ADGRL3: variants seen among roughly 807,000 people sequenced by gnomAD.
The protein encoded by ADGRL3 is adhesion G protein-coupled receptor L3.
Under a neutral mutation model 153.5 loss-of-function variants are expected in ADGRL3, and 62 were observed. The observed-to-expected ratio is 0.40, with a 90% CI of 0.33 to 0.50. The LOEUF is 0.50. Among genes scored for constraint, ADGRL3 ranks in the 20% least tolerant of loss-of-function variants. The pLI is 0.47. For synonymous variants in ADGRL3, 710 were observed against 672.5 expected (o/e 1.06, Z -0.86); for missense variants, 1,641 against 1,859.4 (o/e 0.88, Z 2.16).
intron 21 of ADGRL3, among the ~76,000 whole-genome samples, chr4:62,007,360 A>ATATATT (rs2099163100): frequency 4.9e-4 from 2 of 4,118 alleles, no homozygotes; most frequent in African/African-American, 5.7e-4. Flanking sequence ...AAATGATTAT[A>ATATATT]TATATATATA....
intron 4 of ADGRL3, among the ~76,000 whole-genome samples, chr4:61,556,908 T>C (rs2098769840): frequency 6.6e-6 from 1 of 152,154 alleles, no homozygotes; most frequent in South Asian, 2.1e-4. Context: ...TGAATTTTTA[T>C]AAGTCCCCTG....
At chr4:61,377,679 A>G (rs1469673489) in intron 1 of ADGRL3, among the ~76,000 whole-genome samples, 1 of 151,974 alleles carries the variant, frequency 6.6e-6, no homozygotes, top group Non-Finnish European at 1.5e-5. Flanking sequence ...TAAAGTTTAC[A>G]CCTTCTTTCC....
chr4:61,368,951 T>C (rs1560529266), intron 1 of ADGRL3, among the ~76,000 whole-genome samples: 2 of 152,192 alleles, frequency 1.3e-5, no homozygotes, highest in Admixed American at 1.3e-4. Context: ...TCACATCCCT[T>C]GTAAGTTGGA....
chr4:62,053,989 G>T (rs1510924), intron 25 of ADGRL3, among the ~76,000 whole-genome samples: 36,775 of 151,346 alleles, frequency 0.24, 4,931 homozygotes, highest in Admixed American at 0.33. Context: ...CACAAGCAAT[G>T]TGTGAGTAAC....
chr4:61,243,572 A>G (rs1755839440), intron 1 of ADGRL3, among the ~76,000 whole-genome samples: 1 of 152,126 alleles, frequency 6.6e-6, no homozygotes, highest in South Asian at 2.1e-4. Context: ...TTTTCTAAAG[A>G]GAAACTTGCC....
chr4:61,382,458 G>C (rs2096681306), intron 1 of ADGRL3, among the ~76,000 whole-genome samples: 1 of 151,384 alleles, frequency 6.6e-6, no homozygotes, highest in Non-Finnish European at 1.5e-5. Flanking sequence ...ACTATTTTCT[G>C]GGTGTAAAAA....
chr4:61,776,574 A>G (rs2097153854), intron 8 of ADGRL3, among the ~76,000 whole-genome samples: 1 of 152,192 alleles, frequency 6.6e-6, no homozygotes, highest in Non-Finnish European at 1.5e-5. Context: ...AATCTACTGA[A>G]TTTTAAAAAA....
chr4:61,496,481 T>C (rs1443659459), intron 2 of ADGRL3, among the ~76,000 whole-genome samples: 2 of 150,682 alleles, frequency 1.3e-5, no homozygotes, highest in Non-Finnish European at 2.9e-5. Context: ...CTGACCAACA[T>C]GGAGAAACCC....
intron 25 of ADGRL3, among the ~76,000 whole-genome samples, chr4:62,046,952 A>G (rs1560549742): frequency 1.3e-5 from 2 of 151,832 alleles, no homozygotes; most frequent in Non-Finnish European, 2.9e-5. Context: ...TCTTCCCTGC[A>G]TTCAGGCGTG....
chr4:61,999,157 T>A (rs993796036), intron 21 of ADGRL3, among the ~76,000 whole-genome samples: 21 of 152,208 alleles, frequency 1.4e-4, no homozygotes, highest in African/African-American at 5.1e-4. Context: ...TCTGAAATAT[T>A]AACACTTAAC....
At chr4:61,786,966 T>C (rs1185251616) in intron 8 of ADGRL3, among the ~76,000 whole-genome samples, 1 of 152,172 alleles carries the variant, frequency 6.6e-6, no homozygotes, top group African/African-American at 2.4e-5. Flanking sequence ...ACACTGCTAA[T>C]ACTGTGATGC....
At chr4:61,392,684 CAAAAAAAA>C (rs397993633) in intron 2 of ADGRL3, among the ~76,000 whole-genome samples, 4 of 13,366 alleles carry the variant, frequency 3.0e-4, no homozygotes, top group Non-Finnish European at 3.5e-4. Context: ...GACTCCATCT[CAAAAAAAA>C]AAAAAAAAAA....
At chr4:61,352,464 C>G (rs1264301216) in intron 1 of ADGRL3, among the ~76,000 whole-genome samples, 4 of 151,758 alleles carry the variant, frequency 2.6e-5, no homozygotes, top group African/African-American at 7.3e-5. Context: ...TCTCAGCTCA[C>G]TGCAACGTCC....
intron 5 of ADGRL3, among the ~76,000 whole-genome samples, chr4:61,614,886 G>A (rs1422852431): frequency 6.6e-6 from 1 of 152,026 alleles, no homozygotes. Flanking sequence ...TGAGCATAGA[G>A]ACTTTGGATT....
chr4:61,586,267 C>G (rs1364484324), intron 4 of ADGRL3, among the ~76,000 whole-genome samples: 1 of 151,766 alleles, frequency 6.6e-6, no homozygotes, highest in Non-Finnish European at 1.5e-5. Context: ...ATTAGGTTTT[C>G]TCAAATATAT....
intron 1 of ADGRL3, among the ~76,000 whole-genome samples, chr4:61,352,174 A>G (rs2096064161): frequency 6.6e-6 from 1 of 152,198 alleles, no homozygotes; most frequent in Non-Finnish European, 1.5e-5. Flanking sequence ...GGAGGAAGTA[A>G]CTGCAAATGG....
At chr4:61,642,284 T>G (rs2150194537) in intron 5 of ADGRL3, among the ~76,000 whole-genome samples, 1 of 152,316 alleles carries the variant, frequency 6.6e-6, no homozygotes, top group East Asian at 1.9e-4. Context: ...AGAAGCTCTT[T>G]ACTTTAATTA....
intron 9 of ADGRL3, among the ~76,000 whole-genome samples, chr4:61,836,430 A>C (rs1482072929): frequency 6.6e-6 from 1 of 152,082 alleles, no homozygotes; most frequent in Non-Finnish European, 1.5e-5. Context: ...TATAAAATCC[A>C]CTGGATATTT....
chr4:62,041,977 G>A (rs527984664), intron 24 of ADGRL3, among the ~76,000 whole-genome samples: 1 of 151,896 alleles, frequency 6.6e-6, no homozygotes, highest in African/African-American at 2.4e-5. Flanking sequence ...ACTGTGCTTC[G>A]GTTTTTCTAG....
Sources: allele counts gnomAD v4.1 joint callset (sites outside exome capture counted in the v4.1 genomes callset), GRCh38; gene constraint gnomAD v4.1.1; transcripts MANE v1.5; gene names NCBI Gene and HGNC (gene_info 2026-07-23, HGNC 2026-07-21).